The following PREP variants were observed in gnomAD, a reference collection of about 807,000 sequenced individuals.
PREP encodes dJ355L5.1 (prolyl endopeptidase).
A neutral mutation model predicts 87.6 loss-of-function variants in PREP; 29 were observed. The ratio of observed to expected loss-of-function variants is 0.33; its 90% CI spans 0.25 to 0.45. The LOEUF (loss-of-function observed/expected upper bound fraction) is 0.45. Among genes scored for constraint, PREP ranks in the 20% least tolerant of loss-of-function variants. The probability of loss-of-function intolerance (pLI) is 1.00; values close to 1 mark genes in which losing one functional copy is unlikely to be tolerated. For synonymous variants in PREP, 337 were observed against 328.6 expected (o/e 1.03, Z -0.28); for missense variants, 695 against 886.5 (o/e 0.78, Z 2.74).
At chr6:105,389,666 T>A (rs1040431922) in intron 2 of PREP, among the ~76,000 whole-genome samples, 4 of 152,082 alleles carry the variant, frequency 2.6e-5, no homozygotes, top group African/African-American at 9.7e-5. Context: ...TCCACCCCAA[T>A]GGCTCTGAAA....
At chr6:105,370,113 G>C (rs1772496220) in intron 5 of PREP, among the ~76,000 whole-genome samples, 1 of 151,810 alleles carries the variant, frequency 6.6e-6, no homozygotes, top group Non-Finnish European at 1.5e-5. Context: ...TTAGCCGGGT[G>C]GGGTGGCATG....
At chr6:105,394,183 C>T (rs1439082919) in intron 2 of PREP, among the ~76,000 whole-genome samples, 2 of 151,970 alleles carry the variant, frequency 1.3e-5, no homozygotes, top group Non-Finnish European at 2.9e-5. Flanking sequence ...ATATAATTAC[C>T]CTGATTGGTA....
At chr6:105,338,217 C>T (rs1771529105) in intron 7 of PREP, among the ~76,000 whole-genome samples, 3 of 152,164 alleles carry the variant, frequency 2.0e-5, no homozygotes, top group Non-Finnish European at 2.9e-5. Flanking sequence ...TGATGTGAAA[C>T]CTTTATTTCA....
chr6:105,316,882 G>A (rs1212404982), intron 10 of PREP, among the ~76,000 whole-genome samples: 2 of 151,816 alleles, frequency 1.3e-5, no homozygotes, highest in Non-Finnish European at 2.9e-5. Flanking sequence ...GTAATCACAA[G>A]ATACTTACAT....
At chr6:105,369,403 AT>A (rs1189465290) in intron 5 of PREP, among the ~76,000 whole-genome samples, 1 of 152,242 alleles carries the variant, frequency 6.6e-6, no homozygotes, top group Non-Finnish European at 1.5e-5. Context: ...TTGTCTACAG[AT>A]TTAATGAAAT....
intron 10 of PREP, among the ~76,000 whole-genome samples, chr6:105,292,613 G>C (rs994836206): frequency 2.0e-5 from 3 of 152,144 alleles, no homozygotes; most frequent in African/African-American, 7.2e-5. Context: ...ATGAACACTG[G>C]CTTAGCCCCT....
chr6:105,310,576 CTG>C lies in PREP; in HGVS notation c.1317+13087_1317+13088del, dbSNP rs1365531666. 9.2e-5 allele frequency among the ~76,000 whole-genome samples: 14 copies of C among 152,296 alleles called. No homozygotes were observed. The South Asian group carries it at 2.1e-3, about 23-fold the overall frequency. On this transcript the variant is annotated intron_variant, in intron 10 of 14. Coordinates refer to ENST00000652536, the MANE Select transcript of PREP (RefSeq NM_002726.5). ...AATCCCTTTTCGTGGACTTCCTGCT[CTG>C]CCTGGTGAGGTCTCTGTTGGTTCAG...
chr6:105,397,926 A>G lies in PREP; in HGVS notation c.47T>C (p.Val16Ala). The change falls in exon 2 of 15, where the codon GTA becomes GCA. Residue 16 changes from valine (V) to alanine (A), a missense_variant and splice_region_variant. Coordinates refer to ENST00000652536, the MANE Select transcript of PREP (RefSeq NM_002726.5). Reference protein sequence around the residue: ...YPDVYRDETAVQDYHGHKICD... With the variant: ...YPDVYRDETAAQDYHGHKICD... ...AATTTTATGACCATGATAATCCTGTACCTGTAAAAAACAAAATGAGGTATT... is the reference window on the plus strand; with the variant it reads ...AATTTTATGACCATGATAATCCTGTGCCTGTAAAAAACAAAATGAGGTATT... The G allele has an allele frequency of 1.9e-6, 3 of 1,607,078 alleles. No individual in the cohort carries two copies. Among genetic ancestry groups the G allele is most frequent in the Non-Finnish European group, 1.7e-6 (2 of 1,173,596 alleles).
At chr6:105,386,565 C>A (rs1444245288) in intron 2 of PREP, among the ~76,000 whole-genome samples, 1 of 152,114 alleles carries the variant, frequency 6.6e-6, no homozygotes, top group African/African-American at 2.4e-5. Flanking sequence ...AAATTGGAAC[C>A]ATTAACACTA....
intron 10 of PREP, among the ~76,000 whole-genome samples, chr6:105,314,114 T>A (rs1286289013): frequency 1.3e-5 from 2 of 152,222 alleles, no homozygotes; most frequent in Non-Finnish European, 2.9e-5. Context: ...AATAGCATTA[T>A]GTCTTAAAAA....
intron 8 of PREP, among the ~76,000 whole-genome samples, chr6:105,330,099 T>C (rs551031331): frequency 6.6e-5 from 10 of 152,298 alleles, no homozygotes; most frequent in Admixed American, 5.2e-4. Flanking sequence ...TTGTTCAGTT[T>C]GGGGCAGATG....
chr6:105,339,752 A>G (rs1159686973), intron 7 of PREP, among the ~76,000 whole-genome samples: 1 of 152,254 alleles, frequency 6.6e-6, no homozygotes, highest in African/African-American at 2.4e-5. Context: ...CACAAGCTTC[A>G]GTAGCCGATT....
intron 7 of PREP, among the ~76,000 whole-genome samples, chr6:105,339,191 G>A (rs576475888): frequency 6.6e-5 from 10 of 152,214 alleles, no homozygotes; most frequent in Non-Finnish European, 1.3e-4. Context: ...GAAGCTTCCA[G>A]AGGAAGGATC....
intron 14 of PREP, among the ~76,000 whole-genome samples, chr6:105,280,163 G>T (rs1366467651): frequency 6.6e-6 from 1 of 152,136 alleles, no homozygotes; most frequent in Non-Finnish European, 1.5e-5. Context: ...GTGTGCGGTG[G>T]TGCGCACCTG....
chr6:105,331,584 G>C (rs944309635), intron 8 of PREP, among the ~76,000 whole-genome samples: 3 of 152,198 alleles, frequency 2.0e-5, no homozygotes, highest in Non-Finnish European at 2.9e-5. Context: ...AGTGCATGAT[G>C]AACAGAGTGC....
At position 105,277,394 on chromosome 6, in the gene PREP, G is replaced by A. The variant is rs752275386; in HGVS notation, c.*750C>T. On this transcript the variant is annotated 3_prime_UTR_variant, in exon 15 of 15. Transcript: ENST00000652536. ...TTGTAAACAAATCAATATACAAATAGGTGAATAATCTGAATTTTCCAGCCC... is the reference window on the plus strand; with the variant it reads ...TTGTAAACAAATCAATATACAAATAAGTGAATAATCTGAATTTTCCAGCCC... 3.9e-5 allele frequency among the ~76,000 whole-genome samples: 6 copies of A among 152,188 alleles called. No homozygotes were observed. The South Asian group carries it at 1.2e-3, about 32-fold the overall frequency.
At chr6:105,326,318 G>T (rs1489312319) in intron 9 of PREP, among the ~76,000 whole-genome samples, 4 of 152,140 alleles carry the variant, frequency 2.6e-5, no homozygotes, top group African/African-American at 9.7e-5. Flanking sequence ...GAGTTCACCG[G>T]TTCAACCACT....
rs760988059 is a variant in PREP at position 105,323,784 on chromosome 6, AGGCTT to A, written c.1214-21_1214-17del. 1.3e-4 allele frequency: 200 copies of A among 1,596,688 alleles called. 1 individual carries two copies. Among genetic ancestry groups the A allele is most frequent in the Non-Finnish European group, 1.6e-4 (189 of 1,164,448 alleles). ...TAAATGATACCTAAAAAGTAGAATA[AGGCTT>A]GGTTTAGTCTACGGGACTCACTAGA... On this transcript the variant is annotated splice_polypyrimidine_tract_variant and intron_variant, in intron 9 of 14. Coordinates refer to ENST00000652536, the MANE Select transcript of PREP (RefSeq NM_002726.5).
chr6:105,379,953 C>T (rs1772792614), intron 2 of PREP, among the ~76,000 whole-genome samples: 1 of 152,154 alleles, frequency 6.6e-6, no homozygotes, highest in African/African-American at 2.4e-5. Flanking sequence ...CAGTGTTGGC[C>T]TGAACTGTTT....
Sources: allele counts gnomAD v4.1 joint callset (sites outside exome capture counted in the v4.1 genomes callset), GRCh38; gene constraint gnomAD v4.1.1; transcripts MANE v1.5; gene names NCBI Gene and HGNC (gene_info 2026-07-23, HGNC 2026-07-21).